GABRB1: variants seen among roughly 807,000 people sequenced by gnomAD.
GABRB1 encodes the protein gamma-aminobutyric acid receptor subunit beta-1.
Under a neutral mutation model 51.6 loss-of-function variants are expected in GABRB1, and 17 were observed. The ratio of observed to expected loss-of-function variants is 0.33; its 90% confidence interval spans 0.23 to 0.49. GABRB1 has a LOEUF of 0.49. Among genes scored for constraint, GABRB1 ranks in the 20% least tolerant of loss-of-function variants. The probability of loss-of-function intolerance (pLI) is 0.99; values close to 1 mark genes in which losing one functional copy is unlikely to be tolerated. For synonymous variants in GABRB1, 247 were observed against 218.9 expected (o/e 1.13, Z -1.14); for missense variants, 410 against 600.6 (o/e 0.68, Z 3.32).
intron 5 of GABRB1, among the ~76,000 whole-genome samples, chr4:47,323,966 A>T (rs1338940799): frequency 6.6e-6 from 1 of 152,190 alleles, no homozygotes; most frequent in Non-Finnish European, 1.5e-5. Flanking sequence ...GGAATTTGAA[A>T]TCAATAGCAG....
At chr4:47,425,515 T>TCG (rs1367463792) in intron 8 of GABRB1, among the ~76,000 whole-genome samples, 159 bp from the exon 9 acceptor site, 61 of 150,800 alleles carry the variant, frequency 4.0e-4, no homozygotes, top group African/African-American at 1.1e-3. Context: ...GATAGATAGA[T>TCG]AGATCGATCG....
intron 8 of GABRB1, among the ~76,000 whole-genome samples, chr4:47,421,862 C>T (rs191875936): frequency 6.8e-4 from 104 of 152,174 alleles, no homozygotes; most frequent in African/African-American, 2.4e-3. Context: ...CTCTTATGGA[C>T]AAAATTCATA....
intron 4 of GABRB1, among the ~76,000 whole-genome samples, chr4:47,296,996 C>T (rs1724027251): frequency 6.6e-6 from 1 of 152,128 alleles, no homozygotes. Flanking sequence ...GAACAACCTG[C>T]TCCTGAATGA....
intron 1 of GABRB1, among the ~76,000 whole-genome samples, chr4:46,995,984 T>C (rs1048435614): frequency 6.6e-6 from 1 of 152,068 alleles, no homozygotes; most frequent in African/African-American, 2.4e-5. Context: ...GTCTTTTATT[T>C]ATGCCACTTT....
chr4:47,265,535 T>C (rs776723525), intron 4 of GABRB1, among the ~76,000 whole-genome samples: 1 of 152,120 alleles, frequency 6.6e-6, no homozygotes, highest in African/African-American at 2.4e-5. Context: ...TCCATAGAGG[T>C]TGTACTAGTT....
chr4:47,368,631 C>T (rs1010271544), intron 5 of GABRB1, among the ~76,000 whole-genome samples: 1 of 152,048 alleles, frequency 6.6e-6, no homozygotes, highest in Non-Finnish European at 1.5e-5. Flanking sequence ...CTCCCAGCAC[C>T]GTGGATTCTG....
chr4:47,389,768 C>T (rs1727923358), intron 5 of GABRB1, among the ~76,000 whole-genome samples: 1 of 152,182 alleles, frequency 6.6e-6, no homozygotes, highest in African/African-American at 2.4e-5. Flanking sequence ...ATGCACAATT[C>T]CAAATATCCA....
At chr4:47,267,132 T>C (rs1220586557) in intron 4 of GABRB1, among the ~76,000 whole-genome samples, 2 of 151,988 alleles carry the variant, frequency 1.3e-5, no homozygotes, top group East Asian at 1.9e-4. Flanking sequence ...AAAAAATCTT[T>C]CTCCTTAAGA....
chr4:47,082,372 GCT>G (rs1311353558), intron 3 of GABRB1, among the ~76,000 whole-genome samples: 1 of 151,964 alleles, frequency 6.6e-6, no homozygotes, highest in Non-Finnish European at 1.5e-5. Flanking sequence ...CCTCTGACCT[GCT>G]CTCTTTGAGA....
intron 4 of GABRB1, among the ~76,000 whole-genome samples, chr4:47,235,274 A>T (rs1271615356): frequency 6.6e-6 from 1 of 152,112 alleles, no homozygotes. Context: ...CTAGGTTCCC[A>T]GGCGCGGTGG....
intron 3 of GABRB1, among the ~76,000 whole-genome samples, chr4:47,061,375 G>T (rs1253506458): frequency 6.6e-6 from 1 of 152,140 alleles, no homozygotes; most frequent in African/African-American, 2.4e-5. Flanking sequence ...TTGATTAAAT[G>T]GTTACTTTTG....
Position 47,134,402 on chromosome 4 carries a change from A to G in GABRB1, c.241-26847A>G, listed in dbSNP as rs144575346. On this transcript the variant is annotated intron_variant, in intron 3 of 8. Transcript: ENST00000295454. ...ACTAGCTTATTAGAGAAAACACAAG[A>G]AAAACAAATAATAGATTGATGTCAC... 7.1e-4 allele frequency among the ~76,000 whole-genome samples: 108 copies of G among 152,302 alleles called. 1 individual carries two copies. The East Asian group carries it at 0.017, about 24-fold the overall frequency.
At chr4:47,187,008 G>GT (rs1266798796) in intron 4 of GABRB1, among the ~76,000 whole-genome samples, 2 of 151,876 alleles carry the variant, frequency 1.3e-5, no homozygotes, top group Non-Finnish European at 2.9e-5. Context: ...CCAGAGAGTG[G>GT]TTAAGTGACT....
At chr4:47,294,452 T>A (rs1341098874) in intron 4 of GABRB1, among the ~76,000 whole-genome samples, 1 of 152,188 alleles carries the variant, frequency 6.6e-6, no homozygotes, top group Non-Finnish European at 1.5e-5. Context: ...ACCAGAAGAT[T>A]ATAACCCGCA....
chr4:47,243,238 G>T lies in GABRB1; in HGVS notation c.462-76889G>T, dbSNP rs536393396. On this transcript the variant is annotated intron_variant, in intron 4 of 8. Coordinates refer to ENST00000295454, the MANE Select transcript of GABRB1 (RefSeq NM_000812.4). The stretch of plus-strand genomic sequence containing the variant: ...TCTGAGGGCTCTGCTCTGTTCCATT[G>T]GTCTATATCTCTGTTTTGGTAAAAA... 4.6e-5 allele frequency among the ~76,000 whole-genome samples: 7 copies of T among 152,220 alleles called. No homozygotes were observed. The East Asian group carries it at 1.4e-3, about 29-fold the overall frequency.
intron 3 of GABRB1, among the ~76,000 whole-genome samples, chr4:47,112,986 A>T (rs904581975): frequency 1.3e-5 from 2 of 152,028 alleles, no homozygotes; most frequent in African/African-American, 4.8e-5. Flanking sequence ...GATAATTTTT[A>T]TGTGTCTACT....
intron 4 of GABRB1, among the ~76,000 whole-genome samples, chr4:47,303,719 T>C (rs2109941710): frequency 6.6e-6 from 1 of 152,136 alleles, no homozygotes; most frequent in African/African-American, 2.4e-5. Flanking sequence ...CTAATTCACA[T>C]ATGCATTACC....
At chr4:47,403,911 C>G (rs537444222) in intron 7 of GABRB1, among the ~76,000 whole-genome samples, 200 bp downstream of exon 7, 484 of 152,132 alleles carry the variant, frequency 3.2e-3, no homozygotes, top group African/African-American at 0.01. Context: ...AGCATTTTAC[C>G]AAAACAAACA....
At chr4:47,281,911 G>C (rs1043858802) in intron 4 of GABRB1, among the ~76,000 whole-genome samples, 5 of 152,138 alleles carry the variant, frequency 3.3e-5, no homozygotes. Flanking sequence ...ACAAAATGTT[G>C]ATCAAAGGAT....
Sources: gnomAD v4.1 joint callset for allele counts (sites outside exome capture counted in the v4.1 genomes callset) on GRCh38, gnomAD v4.1.1 for gene constraint, MANE v1.5 for transcripts, NCBI Gene and HGNC (gene_info 2026-07-23, HGNC 2026-07-21) for gene names.